Variants in GPD2 observed in about 807,000 individuals in gnomAD.
GPD2 encodes glycerol-3-phosphate dehydrogenase 2, also known as glycerol-3-phosphate dehydrogenase, mitochondrial.
GPD2 carries 54 observed loss-of-function variants against 82.4 expected under a neutral mutation model. The ratio of observed to expected loss-of-function variants is 0.66; its 90% CI spans 0.53 to 0.82. GPD2 has a LOEUF of 0.82. Ranked by LOEUF, GPD2 falls within the 40% of genes least tolerant of loss-of-function variation. The pLI is 0.00. For missense variants in GPD2, 748 were observed against 896.2 expected, an observed-to-expected ratio of 0.83 and a Z score of 2.11; for synonymous variants, 288 against 306.1, an observed-to-expected ratio of 0.94 and a Z score of 0.62.
chr2:156,579,350 A>C (rs1385311377), intron 15 of GPD2, among the ~76,000 whole-genome samples, 186 bp downstream of exon 15: 2 of 143,276 alleles, frequency 1.4e-5, no homozygotes, highest in Non-Finnish European at 3.0e-5. Flanking sequence ...TTTTTGAGAC[A>C]GAGTCTCACT....
intron 6 of GPD2, among the ~76,000 whole-genome samples, chr2:156,538,182 A>G (rs911407824): frequency 5.9e-5 from 9 of 152,200 alleles, no homozygotes; most frequent in African/African-American, 2.2e-4. Flanking sequence ...CTTCTGCCTC[A>G]GCATGTGACC....
intron 1 of GPD2, among the ~76,000 whole-genome samples, chr2:156,466,302 A>G (rs1339373888): frequency 2.6e-5 from 4 of 152,238 alleles, no homozygotes; most frequent in Non-Finnish European, 4.4e-5. Context: ...TGCACTAACT[A>G]TAGTTCTTTA....
At chr2:156,424,156 A>G in the GPD2 span, among the ~76,000 whole-genome samples, 3 of 151,286 alleles carry the variant, frequency 2.0e-5, no homozygotes, top group Non-Finnish European at 4.4e-5. Flanking sequence ...ACCTTCTCAT[A>G]TGAAGGACTC....
At chr2:156,525,313 C>T (rs1034909804) in intron 6 of GPD2, among the ~76,000 whole-genome samples, 6 of 152,324 alleles carry the variant, frequency 3.9e-5, no homozygotes, top group African/African-American at 1.2e-4. Flanking sequence ...TGTCAGTGGT[C>T]TATGATGATT....
At chr2:156,487,584 G>T (rs1243788043) in intron 2 of GPD2, among the ~76,000 whole-genome samples, 2 of 152,152 alleles carry the variant, frequency 1.3e-5, no homozygotes, top group Non-Finnish European at 2.9e-5. Flanking sequence ...CTTGCTCAAG[G>T]GATAACTAAA....
chr2:156,477,397 A>G (rs888868103), intron 2 of GPD2, among the ~76,000 whole-genome samples: 1 of 152,292 alleles, frequency 6.6e-6, no homozygotes, highest in South Asian at 2.1e-4. Flanking sequence ...ATGCCACTGT[A>G]CTTCAGCCTG....
chr2:156,473,337 T>C (rs1343729101), intron 1 of GPD2, among the ~76,000 whole-genome samples: 1 of 152,182 alleles, frequency 6.6e-6, no homozygotes, highest in Non-Finnish European at 1.5e-5. Context: ...CAAGTTTTGG[T>C]CTCTGACAAA....
intron 6 of GPD2, among the ~76,000 whole-genome samples, chr2:156,528,684 T>C (rs1435175694): frequency 1.3e-5 from 2 of 149,240 alleles, no homozygotes; most frequent in East Asian, 4.0e-4. Flanking sequence ...TGAGAATATG[T>C]GGTGTTCGGT....
the GPD2 span, among the ~76,000 whole-genome samples, chr2:156,415,283 C>CGA: frequency 6.6e-6 from 1 of 151,546 alleles, no homozygotes; most frequent in East Asian, 2.0e-4. Flanking sequence ...CTCAGCCTCC[C>CGA]GAGTAGCTGG....
upstream of GPD2, chr2:156,435,465 G>C (rs1174159120): frequency 2.0e-5 from 3 of 152,106 alleles, no homozygotes; most frequent in Non-Finnish European, 2.9e-5. Context: ...GTGGCGGGGG[G>C]TTGCAAGTGG....
intron 1 of GPD2, among the ~76,000 whole-genome samples, chr2:156,446,007 T>C (rs1682356197): frequency 6.6e-6 from 1 of 152,254 alleles, no homozygotes; most frequent in East Asian, 1.9e-4. Context: ...TTCCATTTTA[T>C]GACTCAGCAA....
In GPD2 at chr2:156,531,551, C is replaced by T. The variant is rs112621464; in HGVS notation, c.661+18055C>T. Among the ~76,000 whole-genome samples the T allele has an allele frequency of 7.6e-3, 1,152 of 152,346 alleles. 14 individuals are homozygous for T. Among genetic ancestry groups the T allele is most frequent in the African/African-American group, 0.026 (1,092 of 41,570 alleles). ...CAAAACCAGCTGTCTGTAGCAAAGCCGGACCTTATCTTAAGAGCCAGGCTG... is the reference window on the plus strand; with the variant it reads ...CAAAACCAGCTGTCTGTAGCAAAGCTGGACCTTATCTTAAGAGCCAGGCTG... On this transcript the variant is annotated intron_variant, in intron 6 of 16. Coordinates refer to ENST00000438166, the MANE Select transcript of GPD2 (RefSeq NM_000408.5).
chr2:156,466,789 C>T (rs996756453), intron 1 of GPD2, among the ~76,000 whole-genome samples: 1 of 152,202 alleles, frequency 6.6e-6, no homozygotes. Context: ...TTAACTGGCT[C>T]ACTTAAAATA....
intron 2 of GPD2, among the ~76,000 whole-genome samples, chr2:156,486,831 T>G (rs960650714): frequency 1.3e-5 from 2 of 152,198 alleles, no homozygotes; most frequent in African/African-American, 2.4e-5. Context: ...CATTATAAAT[T>G]TGGCCAAAAT....
the GPD2 span, among the ~76,000 whole-genome samples, chr2:156,418,228 A>G: frequency 6.6e-6 from 1 of 151,696 alleles, no homozygotes. Context: ...AGGAAGAAAA[A>G]AAAAAACCCA....
At chr2:156,578,161 TATTA>T (rs1456901280) in intron 13 of GPD2, among the ~76,000 whole-genome samples, 1 of 152,214 alleles carries the variant, frequency 6.6e-6, no homozygotes, top group Non-Finnish European at 1.5e-5. Flanking sequence ...CAACAGTTAG[TATTA>T]ATTGACACTG....
intron 3 of GPD2, among the ~76,000 whole-genome samples, chr2:156,505,600 A>C (rs1684758861): frequency 6.6e-6 from 1 of 152,204 alleles, no homozygotes; most frequent in East Asian, 1.9e-4. Flanking sequence ...TTCACTACAT[A>C]GAGAGGCCAG....
At chr2:156,400,840 A>G in the GPD2 span, among the ~76,000 whole-genome samples, 1 of 152,202 alleles carries the variant, frequency 6.6e-6, no homozygotes, top group East Asian at 1.9e-4. Flanking sequence ...CGGCATCTCC[A>G]AATCAGCCGA....
the GPD2 span, among the ~76,000 whole-genome samples, chr2:156,408,151 T>C: frequency 6.6e-6 from 1 of 151,802 alleles, no homozygotes; most frequent in Non-Finnish European, 1.5e-5. Context: ...CATGGGGTTT[T>C]GCTATGTTGC....
Sources: gnomAD v4.1 joint callset for allele counts (sites outside exome capture counted in the v4.1 genomes callset) on GRCh38, gnomAD v4.1.1 for gene constraint, MANE v1.5 for transcripts, NCBI Gene and HGNC (gene_info 2026-07-23, HGNC 2026-07-21) for gene names.